SYT1: variants seen among roughly 807,000 people sequenced by gnomAD.
SYT1 encodes the protein synaptotagmin 1, also known as synaptotagmin-1.
Under a neutral mutation model 44.8 loss-of-function variants are expected in SYT1, and 8 were observed. The ratio of observed to expected loss-of-function variants is 0.18; its 90% CI spans 0.10 to 0.32. The LOEUF (loss-of-function observed/expected upper bound fraction) is 0.32. Ranked by LOEUF, SYT1 falls within the 10% of genes least tolerant of loss-of-function variation. The probability of loss-of-function intolerance (pLI) is 1.00; values close to 1 mark genes in which losing one functional copy is unlikely to be tolerated. For synonymous variants in SYT1, 154 were observed against 188.8 expected, an observed-to-expected ratio of 0.82 and a Z score of 1.51; for missense variants, 286 against 509.3, an observed-to-expected ratio of 0.56 and a Z score of 4.22.
intron 4 of SYT1, among the ~76,000 whole-genome samples, chr12:79,262,206 T>C (rs1020759689): frequency 2.6e-5 from 4 of 152,210 alleles, no homozygotes; most frequent in African/African-American, 9.6e-5. Flanking sequence ...CCTTATACTT[T>C]CTTTTTTCCA....
chr12:78,905,027 C>G (rs890343718), intron 1 of SYT1, among the ~76,000 whole-genome samples: 1 of 152,116 alleles, frequency 6.6e-6, no homozygotes, highest in Non-Finnish European at 1.5e-5. Context: ...CCTAAGATAT[C>G]TCATAAAACT....
At chr12:79,110,186 G>C (rs1176515661) in intron 3 of SYT1, among the ~76,000 whole-genome samples, 2 of 151,984 alleles carry the variant, frequency 1.3e-5, no homozygotes, top group African/African-American at 4.8e-5. Context: ...ATTGAAGGAA[G>C]ACCCTGCTAT....
intron 3 of SYT1, among the ~76,000 whole-genome samples, chr12:79,082,863 G>A (rs1215206110): frequency 1.3e-5 from 2 of 152,146 alleles, no homozygotes; most frequent in African/African-American, 4.8e-5. Context: ...AAACCTGCCT[G>A]TGAGAATGGT....
chr12:78,891,563 T>C (rs948059928), intron 1 of SYT1, among the ~76,000 whole-genome samples: 3 of 151,938 alleles, frequency 2.0e-5, no homozygotes, highest in African/African-American at 7.2e-5. Context: ...TAGGTGTTAC[T>C]GAATTTTAAA....
At chr12:79,316,089 A>G (rs1447387843) in intron 8 of SYT1, among the ~76,000 whole-genome samples, 1 of 152,216 alleles carries the variant, frequency 6.6e-6, no homozygotes, top group Non-Finnish European at 1.5e-5. Context: ...ATGAGTCTTG[A>G]CAACGCTATA....
intron 4 of SYT1, among the ~76,000 whole-genome samples, chr12:79,259,469 C>T (rs1401245564): frequency 6.6e-6 from 1 of 152,190 alleles, no homozygotes; most frequent in African/African-American, 2.4e-5. Context: ...TGTGGTGGCT[C>T]ATGCCTATAA....
chr12:79,186,751 C>G (rs1592834938), intron 3 of SYT1, among the ~76,000 whole-genome samples: 1 of 152,016 alleles, frequency 6.6e-6, no homozygotes, highest in Non-Finnish European at 1.5e-5. Flanking sequence ...TTGTCATCTT[C>G]TGAGTAGTAG....
intron 3 of SYT1, among the ~76,000 whole-genome samples, chr12:79,214,634 T>A (rs1874668119): frequency 6.6e-6 from 1 of 152,216 alleles, no homozygotes; most frequent in Non-Finnish European, 1.5e-5. Flanking sequence ...AACTGTGTAA[T>A]CACTTGAAAG....
chr12:79,102,747 G>T (rs1249199391), intron 3 of SYT1, among the ~76,000 whole-genome samples: 1 of 152,150 alleles, frequency 6.6e-6, no homozygotes, highest in African/African-American at 2.4e-5. Context: ...GATATTTGTG[G>T]TATAGATAAA....
intron 4 of SYT1, among the ~76,000 whole-genome samples, chr12:79,241,575 G>A (rs998839463): frequency 2.7e-4 from 41 of 152,290 alleles, no homozygotes; most frequent in African/African-American, 9.4e-4. Context: ...GACTTTGAAT[G>A]TGTTTCCCAA....
intron 3 of SYT1, among the ~76,000 whole-genome samples, chr12:79,114,340 A>G (rs1443483413): frequency 6.6e-6 from 1 of 152,198 alleles, no homozygotes; most frequent in Non-Finnish European, 1.5e-5. Flanking sequence ...AGGAAAGCTT[A>G]GAAACACTAA....
At chr12:79,039,504 T>A (rs1873371488) in intron 2 of SYT1, among the ~76,000 whole-genome samples, 1 of 151,974 alleles carries the variant, frequency 6.6e-6, no homozygotes, top group East Asian at 1.9e-4. Context: ...GAAATAGAAA[T>A]TAGCTACCAG....
chr12:79,043,002 A>C (rs1458412047), intron 2 of SYT1, among the ~76,000 whole-genome samples: 6 of 145,790 alleles, frequency 4.1e-5, no homozygotes, highest in African/African-American at 1.5e-4. Flanking sequence ...AGTTTGTTAT[A>C]ATTTCTGTTC....
chr12:79,136,154 A>C (rs1235798137), intron 3 of SYT1, among the ~76,000 whole-genome samples: 1 of 152,224 alleles, frequency 6.6e-6, no homozygotes, highest in Non-Finnish European at 1.5e-5. Flanking sequence ...AATTTTGATT[A>C]TTCTAAAAAT....
chr12:79,150,558 A>G (rs1870207928), intron 3 of SYT1, among the ~76,000 whole-genome samples: 1 of 152,176 alleles, frequency 6.6e-6, no homozygotes, highest in African/African-American at 2.4e-5. Context: ...GTTAATAATA[A>G]TGTATATTTC....
chr12:79,004,569 A>G (rs1870956084), intron 2 of SYT1, among the ~76,000 whole-genome samples: 1 of 152,048 alleles, frequency 6.6e-6, no homozygotes, highest in Admixed American at 6.6e-5. Flanking sequence ...AAAGATAAGA[A>G]AGATTTGATG....
intron 2 of SYT1, among the ~76,000 whole-genome samples, chr12:78,980,452 C>T (rs1016451058): frequency 2.0e-5 from 3 of 152,064 alleles, no homozygotes; most frequent in Non-Finnish European, 2.9e-5. Context: ...ATTGTTTCTG[C>T]GTTCATAAGA....
At chr12:78,936,884 G>T (rs1878092876) in intron 1 of SYT1, among the ~76,000 whole-genome samples, 1 of 152,102 alleles carries the variant, frequency 6.6e-6, no homozygotes, top group African/African-American at 2.4e-5. Flanking sequence ...GCAAGGGATG[G>T]CTTTGCAACT....
intron 9 of SYT1, among the ~76,000 whole-genome samples, chr12:79,431,508 ATTTTATTAT>A (rs1457366525): frequency 1.4e-5 from 2 of 141,722 alleles, no homozygotes; most frequent in Non-Finnish European, 3.0e-5. Flanking sequence ...ATTTTATTTT[ATTTTATTAT>A]TTATTTATTT....
Sources: gnomAD v4.1 joint callset for allele counts (sites outside exome capture counted in the v4.1 genomes callset) on GRCh38, gnomAD v4.1.1 for gene constraint, MANE v1.5 for transcripts, NCBI Gene and HGNC (gene_info 2026-07-23, HGNC 2026-07-21) for gene names.